The following VEZT variants were observed in gnomAD, a reference collection of about 807,000 sequenced individuals.
VEZT encodes the protein vezatin.
In VEZT, 39 loss-of-function variants were observed where a neutral mutation model predicts 79.9. The ratio of observed to expected loss-of-function variants is 0.49; its 90% confidence interval spans 0.38 to 0.64. VEZT has a LOEUF of 0.64. Ranked by LOEUF, VEZT falls within the 30% of genes least tolerant of loss-of-function variation. The pLI is 0.00. For missense variants in VEZT, 837 were observed against 893.1 expected (o/e 0.94, Z 0.80); for synonymous variants, 325 against 327.6 (o/e 0.99, Z 0.09).
chr12:95,286,362 A>G, intron 8 of VEZT: 1 of 479,000 alleles, frequency 2.1e-6, no homozygotes, highest in African/African-American at 2.0e-5. Context: ...AAGCAATTTC[A>G]ATTTGAGGAT....
At chr12:95,274,639 A>G in intron 6 of VEZT, 103 bp from the exon 7 acceptor site, 1 of 1,299,180 alleles carries the variant, frequency 7.7e-7, no homozygotes. Flanking sequence ...CTCCTCATCC[A>G]AAAGTTCAGA....
At chr12:95,240,566 T>C (rs915864896) in intron 1 of VEZT, among the ~76,000 whole-genome samples, 23 of 152,350 alleles carry the variant, frequency 1.5e-4, no homozygotes, top group Admixed American at 1.2e-3. Flanking sequence ...AAGGTTCATA[T>C]TGATTATCAC....
intron 1 of VEZT, among the ~76,000 whole-genome samples, chr12:95,229,110 G>A (rs563207227): frequency 5.3e-4 from 81 of 152,242 alleles, no homozygotes; most frequent in African/African-American, 1.9e-3. Flanking sequence ...GAACAAGTCT[G>A]CTTTTTTTTC....
chr12:95,258,490 G>A (rs749149329), intron 3 of VEZT, among the ~76,000 whole-genome samples: 2 of 152,072 alleles, frequency 1.3e-5, no homozygotes, highest in Non-Finnish European at 2.9e-5. Flanking sequence ...ACTAGTAATG[G>A]AACAAGAAAT....
chr12:95,289,786 A>T (rs2139628391), intron 9 of VEZT, among the ~76,000 whole-genome samples: 1 of 152,310 alleles, frequency 6.6e-6, no homozygotes, highest in South Asian at 2.1e-4. Context: ...CTTATTTTGA[A>T]ATCATTTCAA....
At chr12:95,266,305 T>G in intron 4 of VEZT, 52 bp from the exon 5 acceptor site, 1 of 1,520,352 alleles carries the variant, frequency 6.6e-7, no homozygotes, top group Non-Finnish European at 8.9e-7. Flanking sequence ...AAGTAATTCA[T>G]CTTTCTTTCT....
At chr12:95,290,831 C>CATATACATATAT (rs1438682262) in intron 9 of VEZT, 2 of 151,924 alleles carry the variant, frequency 1.3e-5, no homozygotes, top group Admixed American at 6.6e-5. Flanking sequence ...TATGTATACA[C>CATATACATATAT]ATATACATAT....
intron 1 of VEZT, among the ~76,000 whole-genome samples, chr12:95,250,282 A>G (rs12426487): frequency 8.7e-6 from 1 of 115,154 alleles, no homozygotes; most frequent in Non-Finnish European, 1.7e-5. Context: ...AAGATTTATT[A>G]TTTTTTTTTT....
intron 9 of VEZT, 168 bp from the exon 10 acceptor site, chr12:95,294,104 G>A (rs748340238): frequency 5.2e-4 from 274 of 531,206 alleles, no homozygotes; most frequent in Non-Finnish European, 7.4e-4. Flanking sequence ...CCAGGCTGGT[G>A]TTGAACTCCT....
chr12:95,267,564 C>T (rs1453169134), intron 5 of VEZT, among the ~76,000 whole-genome samples: 1 of 152,154 alleles, frequency 6.6e-6, no homozygotes. Context: ...CTCTGTTCTG[C>T]TCTAGAACAT....
At chr12:95,262,631 A>C (rs1322865691) in intron 3 of VEZT, among the ~76,000 whole-genome samples, 1 of 152,146 alleles carries the variant, frequency 6.6e-6, no homozygotes, top group Non-Finnish European at 1.5e-5. Context: ...TAACTAGACA[A>C]GTTTGTTAAT....
At chr12:95,244,129 C>T (rs891756789) in intron 1 of VEZT, 21 of 380,364 alleles carry the variant, frequency 5.5e-5, no homozygotes, top group Non-Finnish European at 9.7e-5. Flanking sequence ...GGCACAGTGC[C>T]TTACACCTAT....
At chr12:95,237,781 C>A (rs1368040883) in intron 1 of VEZT, among the ~76,000 whole-genome samples, 1 of 152,108 alleles carries the variant, frequency 6.6e-6, no homozygotes. Context: ...TGACTTCTTG[C>A]CATTTGCTAC....
chr12:95,264,869 C>CTTTTTTTT (rs71078693), intron 4 of VEZT, among the ~76,000 whole-genome samples: 41 of 113,324 alleles, frequency 3.6e-4, no homozygotes, highest in Non-Finnish European at 4.3e-4. Context: ...CTTTTCTTTT[C>CTTTTTTTT]TTTTTTTTTT....
At chr12:95,242,571 G>A (rs890361696) in intron 1 of VEZT, among the ~76,000 whole-genome samples, 2 of 152,062 alleles carry the variant, frequency 1.3e-5, no homozygotes, top group Non-Finnish European at 2.9e-5. Context: ...CGTGTGGAGT[G>A]TTTTAAAATC....
Position 95,282,444 on chromosome 12 carries a change from TGTGACTCAAG to T in VEZT, c.1131_1140del (p.Thr378TyrfsTer43). ...TTCTGCCTCATCGTATCTTATCTGATGTGACTCAAGGTCTACCTCATGCTCATTCTGCCTG... is the reference window on the plus strand; with the variant it reads ...TTCTGCCTCATCGTATCTTATCTGATGTCTACCTCATGCTCATTCTGCCTG... On this transcript the variant is annotated frameshift_variant, in exon 8 of 12. Coordinates refer to ENST00000436874, the MANE Select transcript of VEZT (RefSeq NM_017599.4). LOFTEE classifies it high-confidence loss of function. 6.2e-7 allele frequency: 1 copy of T among 1,614,036 alleles called. No homozygotes were observed. The highest frequency in any genetic ancestry group is 8.5e-7 in the Non-Finnish European group (1 of 1,179,898).
chr12:95,226,622 G>A (rs2136657865), intron 1 of VEZT, among the ~76,000 whole-genome samples: 1 of 151,986 alleles, frequency 6.6e-6, no homozygotes, highest in Non-Finnish European at 1.5e-5. Context: ...TGGATTATTT[G>A]TAAATTTTAC....
chr12:95,235,674 C>A, intron 1 of VEZT, among the ~76,000 whole-genome samples: 1 of 147,244 alleles, frequency 6.8e-6, no homozygotes, highest in Non-Finnish European at 1.5e-5. Flanking sequence ...GGGGGCTGAC[C>A]CCCACCTCCC....
chr12:95,245,020 G>T (rs990095194), intron 1 of VEZT, among the ~76,000 whole-genome samples: 1 of 151,990 alleles, frequency 6.6e-6, no homozygotes, highest in Non-Finnish European at 1.5e-5. Context: ...ATCATTTGAG[G>T]TCAGGAGTTC....
Sources: gnomAD v4.1 joint callset for allele counts (sites outside exome capture counted in the v4.1 genomes callset) on GRCh38, gnomAD v4.1.1 for gene constraint, MANE v1.5 for transcripts, NCBI Gene and HGNC (gene_info 2026-07-23, HGNC 2026-07-21) for gene names.